The following GRID2 variants were observed in gnomAD, a reference collection of about 807,000 sequenced individuals.
GRID2 encodes glutamate receptor ionotropic, delta-2.
In GRID2, 33 loss-of-function variants were observed where a neutral mutation model predicts 114.8. The ratio of observed to expected loss-of-function variants is 0.29; its 90% CI spans 0.22 to 0.38. GRID2 has a LOEUF of 0.38. Among genes scored for constraint, GRID2 ranks in the 10% least tolerant of loss-of-function variants. GRID2 has a pLI of 1.00. For synonymous variants in GRID2, 505 were observed against 449.9 expected (o/e 1.12, Z -1.55); for missense variants, 1,184 against 1,257.7 (o/e 0.94, Z 0.89).
intron 14 of GRID2, among the ~76,000 whole-genome samples, chr4:93,764,531 C>G (rs1733474898): frequency 6.6e-6 from 1 of 152,074 alleles, no homozygotes; most frequent in Admixed American, 6.6e-5. Context: ...AGGTAATGAG[C>G]TTTTCATGCA....
intron 13 of GRID2, among the ~76,000 whole-genome samples, chr4:93,516,519 A>G (rs72886283): frequency 2.0e-5 from 3 of 152,208 alleles, no homozygotes; most frequent in Non-Finnish European, 2.9e-5. Context: ...GATGTTAGCA[A>G]TGGCCTCTAT....
intron 1 of GRID2, among the ~76,000 whole-genome samples, chr4:92,371,812 T>C (rs1316426691): frequency 6.6e-6 from 1 of 152,192 alleles, no homozygotes; most frequent in Non-Finnish European, 1.5e-5. Context: ...TAGATAATGA[T>C]TCTCATAATA....
rs1733929173 is a variant in GRID2, at chr4:93,769,301, G to A, written c.2452G>A (p.Asp818Asn). The A allele has an allele frequency of 6.2e-7, 1 of 1,614,122 alleles. No homozygotes were observed. Among genetic ancestry groups the A allele is most frequent in the Non-Finnish European group, 8.5e-7 (1 of 1,179,990 alleles). Reference sequence around the variant, plus strand: ...CCAGTGTGACCTGTACTCGTCAGTGGACACAAAGCAGAAAGGAGGCGCCCT... The same window carrying A: ...CCAGTGTGACCTGTACTCGTCAGTGAACACAAAGCAGAAAGGAGGCGCCCT... ...NGQCDLYSSV[D>N]TKQKGGALDI... The change falls in exon 15 of 16, where the codon GAC (aspartate) becomes AAC (asparagine). Residue 818 changes from aspartate to asparagine, a missense_variant. Physicochemically the swap from Asp to Asn is conservative, Grantham distance 23 (BLOSUM62 1). Around this residue, in one of 3 missense-constraint regions of GRID2, gnomAD observed 717 missense variants for 796.9 expected, o/e 0.90. Transcript: ENST00000282020.
chr4:92,929,599 A>T (rs1750075126), intron 2 of GRID2, among the ~76,000 whole-genome samples: 1 of 151,384 alleles, frequency 6.6e-6, no homozygotes, highest in Admixed American at 6.6e-5. Context: ...ATGAGCATGT[A>T]AAAGTCATGC....
intron 14 of GRID2, among the ~76,000 whole-genome samples, chr4:93,661,928 G>A (rs2149738431): frequency 6.6e-6 from 1 of 152,150 alleles, no homozygotes; most frequent in East Asian, 1.9e-4. Context: ...AGAATCAAAG[G>A]CAAAGTTATC....
intron 11 of GRID2, among the ~76,000 whole-genome samples, chr4:93,464,001 A>G (rs1175808107): frequency 1.3e-5 from 2 of 151,730 alleles, no homozygotes; most frequent in South Asian, 4.2e-4. Flanking sequence ...AAACAAAAAC[A>G]AAAACAAGCA....
At chr4:92,566,374 A>T (rs1004802834) in intron 1 of GRID2, among the ~76,000 whole-genome samples, 7 of 151,958 alleles carry the variant, frequency 4.6e-5, no homozygotes, top group African/African-American at 1.7e-4. Context: ...AATAAAATAA[A>T]GTTTGCCAAC....
Position 92,479,449 on chromosome 4 carries a change from A to AT in GRID2, c.89-110676dup, listed in dbSNP as rs1169557289. On this transcript the variant is annotated intron_variant, in intron 1 of 15. Transcript: ENST00000282020. Reference sequence around the variant, plus strand: ...AGTTTTACAAAATGTGTTTATTTGGATTTTTTAACTATATTAATCAACAAA... The same window carrying AT: ...AGTTTTACAAAATGTGTTTATTTGGATTTTTTTAACTATATTAATCAACAAA... Among the ~76,000 whole-genome samples the AT allele has an allele frequency of 5.9e-5, 9 of 152,228 alleles. 1 individual carries two copies. The East Asian group carries it at 7.7e-4, about 13-fold the overall frequency.
chr4:93,628,842 T>G (rs1478779665), intron 14 of GRID2, among the ~76,000 whole-genome samples: 2 of 151,072 alleles, frequency 1.3e-5, no homozygotes, highest in African/African-American at 2.4e-5. Flanking sequence ...CTCGGCTCAC[T>G]GCAACCTCCC....
intron 1 of GRID2, among the ~76,000 whole-genome samples, chr4:92,326,018 G>T (rs1420095058): frequency 1.3e-5 from 2 of 151,566 alleles, no homozygotes; most frequent in Non-Finnish European, 3.0e-5. Flanking sequence ...TTCTACACAT[G>T]AAAAGTATGC....
chr4:92,551,291 C>T (rs1726575026), intron 1 of GRID2, among the ~76,000 whole-genome samples: 2 of 131,944 alleles, frequency 1.5e-5, no homozygotes, highest in Non-Finnish European at 3.3e-5. Flanking sequence ...TGTGTGTGTA[C>T]ACGCATTTCT....
chr4:92,612,711 AC>A (rs1174166270), intron 2 of GRID2, among the ~76,000 whole-genome samples: 1 of 151,424 alleles, frequency 6.6e-6, no homozygotes, highest in Non-Finnish European at 1.5e-5. Flanking sequence ...GATATTGTGA[AC>A]GGAATCATTT....
intron 8 of GRID2, among the ~76,000 whole-genome samples, chr4:93,285,758 C>T (rs1335193965): frequency 6.6e-6 from 1 of 151,898 alleles, no homozygotes; most frequent in Non-Finnish European, 1.5e-5. Flanking sequence ...TTTAAATAAG[C>T]ATTTGGAGTG....
chr4:93,103,840 G>GTTTTTTTTT (rs35621225), intron 3 of GRID2, among the ~76,000 whole-genome samples: 1 of 142,450 alleles, frequency 7.0e-6, no homozygotes, highest in Non-Finnish European at 1.5e-5. Flanking sequence ...AAAATCCCTT[G>GTTTTTTTTT]TTTTTTTTTT....
intron 1 of GRID2, among the ~76,000 whole-genome samples, chr4:92,353,754 A>G (rs1266340034): frequency 6.6e-6 from 1 of 152,024 alleles, no homozygotes; most frequent in East Asian, 1.9e-4. Context: ...CATATGGATC[A>G]GCCCAAGTTA....
At chr4:93,027,639 G>A (rs1462632811) in intron 2 of GRID2, among the ~76,000 whole-genome samples, 1 of 152,034 alleles carries the variant, frequency 6.6e-6, no homozygotes, top group South Asian at 2.1e-4. Flanking sequence ...GTTAAAATGT[G>A]CACTGATTTT....
intron 2 of GRID2, among the ~76,000 whole-genome samples, chr4:92,933,378 G>C (rs1274404026): frequency 6.6e-6 from 1 of 151,208 alleles, no homozygotes; most frequent in African/African-American, 2.4e-5. Context: ...ATTTCTTATT[G>C]GTTAAATCAG....
intron 8 of GRID2, among the ~76,000 whole-genome samples, chr4:93,276,112 T>C (rs111907170): frequency 0.014 from 2,131 of 152,026 alleles, 45 homozygotes; most frequent in African/African-American, 0.047. Context: ...ATGATATATT[T>C]TGAGTTAATT....
chr4:92,474,687 T>C (rs1722209447), intron 1 of GRID2, among the ~76,000 whole-genome samples: 1 of 152,104 alleles, frequency 6.6e-6, no homozygotes, highest in Non-Finnish European at 1.5e-5. Context: ...TTATATTTTT[T>C]CCTTATTTAC....
Sources: gnomAD v4.1 joint callset for allele counts (sites outside exome capture counted in the v4.1 genomes callset) on GRCh38, gnomAD v4.1.1 for gene constraint, gnomAD v4.1.1 regional missense constraint, MANE v1.5 for transcripts, NCBI Gene and HGNC (gene_info 2026-07-23, HGNC 2026-07-21) for gene names.